GABBR2: variants seen among roughly 807,000 people sequenced by gnomAD.
GABBR2 encodes the protein gamma-aminobutyric acid type B receptor subunit 2, also known as G-protein coupled receptor 51.
In GABBR2, 23 loss-of-function variants were observed where a neutral mutation model predicts 105.6. The ratio of observed to expected loss-of-function variants is 0.22; its 90% CI spans 0.16 to 0.31. The LOEUF is 0.31. Among genes scored for constraint, GABBR2 ranks in the 10% least tolerant of loss-of-function variants. The pLI, the probability that GABBR2 is intolerant of heterozygous loss-of-function variation, is 1.00. For missense variants in GABBR2, 734 were observed against 1,245.5 expected (o/e 0.59, Z 6.18); for synonymous variants, 478 against 499.7 (o/e 0.96, Z 0.58).
chr9:98,433,025 C>G (rs1014609546), intron 7 of GABBR2, among the ~76,000 whole-genome samples: 1 of 152,300 alleles, frequency 6.6e-6, no homozygotes, highest in Admixed American at 6.5e-5. Flanking sequence ...TCAGGATACT[C>G]TGTTCACAGG....
At chr9:98,347,814 T>C (rs973298317) in intron 13 of GABBR2, among the ~76,000 whole-genome samples, 2 of 152,184 alleles carry the variant, frequency 1.3e-5, no homozygotes, top group African/African-American at 4.8e-5. Context: ...CACCTTTAAT[T>C]GTAATAATCC....
chr9:98,576,953 T>TGG (rs1828919375), intron 2 of GABBR2, among the ~76,000 whole-genome samples: 1 of 86,658 alleles, frequency 1.2e-5, no homozygotes, highest in East Asian at 4.6e-4. Context: ...GATGGATGGA[T>TGG]AGGTGAATGG....
At chr9:98,457,767 G>A (rs867544051) in intron 6 of GABBR2, among the ~76,000 whole-genome samples, 1 of 152,174 alleles carries the variant, frequency 6.6e-6, no homozygotes, top group African/African-American at 2.4e-5. Context: ...ATTGTTCCCA[G>A]GCGATGCCAG....
At chr9:98,510,809 C>T (rs1481372525) in intron 3 of GABBR2, among the ~76,000 whole-genome samples, 5 of 152,138 alleles carry the variant, frequency 3.3e-5, no homozygotes, top group Non-Finnish European at 7.3e-5. Flanking sequence ...TAGACTCCCA[C>T]ACAATAATAA....
At chr9:98,705,054 C>G (rs1454705153) in intron 1 of GABBR2, among the ~76,000 whole-genome samples, 1 of 152,078 alleles carries the variant, frequency 6.6e-6, no homozygotes, top group Non-Finnish European at 1.5e-5. Flanking sequence ...AAGCTCAGAG[C>G]TAAAATATAA....
chr9:98,383,039 C>T (rs1479517021), intron 11 of GABBR2, among the ~76,000 whole-genome samples: 1 of 152,152 alleles, frequency 6.6e-6, no homozygotes, highest in Non-Finnish European at 1.5e-5. Context: ...CTCCCAGGTT[C>T]AAGCGATTCT....
chr9:98,330,965 G>A (rs181681090), intron 13 of GABBR2, among the ~76,000 whole-genome samples: 34 of 152,142 alleles, frequency 2.2e-4, no homozygotes, highest in Non-Finnish European at 2.8e-4. Flanking sequence ...TGGATTTGCC[G>A]GTTTGGGACA....
At chr9:98,648,116 T>TGTGTGTGTGTGTATAGATAG in intron 1 of GABBR2, among the ~76,000 whole-genome samples, 921 of 55,866 alleles carry the variant, frequency 0.016, 16 homozygotes, top group Middle Eastern at 0.034. Context: ...TGTGTGTGTG[T>TGTGTGTGTGTGTATAGATAG]ATAGATAGAT....
At chr9:98,601,015 A>G (rs776355394) in intron 1 of GABBR2, among the ~76,000 whole-genome samples, 13 of 152,188 alleles carry the variant, frequency 8.5e-5, no homozygotes, top group Non-Finnish European at 1.3e-4. Context: ...CTCAGCTCAC[A>G]TGTCACTTTC....
chr9:98,674,255 C>G (rs1231224051), intron 1 of GABBR2, among the ~76,000 whole-genome samples: 2 of 152,178 alleles, frequency 1.3e-5, no homozygotes, highest in African/African-American at 2.4e-5. Context: ...CTTGTTCTTA[C>G]AAGTGACTTC....
chr9:98,439,636 A>C (rs1290179053), intron 7 of GABBR2, among the ~76,000 whole-genome samples: 1 of 152,190 alleles, frequency 6.6e-6, no homozygotes, highest in Non-Finnish European at 1.5e-5. Context: ...GCATGCATGC[A>C]TGTGAGTGTG....
intron 7 of GABBR2, among the ~76,000 whole-genome samples, chr9:98,422,726 G>A (rs865999541): frequency 6.6e-6 from 1 of 151,384 alleles, no homozygotes; most frequent in Non-Finnish European, 1.5e-5. Flanking sequence ...TCGTCATTTA[G>A]CATTAGGTAT....
chr9:98,568,596 G>A (rs1193487362), intron 2 of GABBR2, among the ~76,000 whole-genome samples: 2 of 152,064 alleles, frequency 1.3e-5, no homozygotes, highest in African/African-American at 4.8e-5. Context: ...AGGTGGGAGG[G>A]GCAGTCACCA....
chr9:98,368,095 T>A (rs1831713452), intron 12 of GABBR2, among the ~76,000 whole-genome samples: 1 of 151,984 alleles, frequency 6.6e-6, no homozygotes, highest in South Asian at 2.1e-4. Context: ...ATCCTTGATG[T>A]CATTTCCCCC....
At chr9:98,608,173 T>A in intron 1 of GABBR2, 1 of 1,123,440 alleles carries the variant, frequency 8.9e-7, no homozygotes, top group Non-Finnish European at 1.3e-6. Flanking sequence ...GTTGCCAATA[T>A]GCCAGCTTGG....
In GABBR2 at chr9:98,303,438, G is replaced by A. The variant is rs779722077; in HGVS notation, c.2230-15C>T. ...AGGGTGATGAGCTGAAAGGACAAAG[G>A]TTGGGGCGGGGTTGAAGAGAGAGCC... On this transcript the variant is annotated splice_polypyrimidine_tract_variant and intron_variant, in intron 15 of 18. Coordinates refer to ENST00000259455, the MANE Select transcript of GABBR2 (RefSeq NM_005458.8). 8.1e-6 allele frequency: 13 copies of A among 1,612,194 alleles called. No individual in the cohort carries two copies. Among genetic ancestry groups the A allele is most frequent in the Non-Finnish European group, 1.1e-5 (13 of 1,178,860 alleles).
intron 3 of GABBR2, among the ~76,000 whole-genome samples, chr9:98,522,472 C>T (rs1242141370): frequency 1.3e-5 from 2 of 152,028 alleles, no homozygotes; most frequent in Non-Finnish European, 2.9e-5. Context: ...ATCCTACAAG[C>T]AACTGGTACA....
At chr9:98,669,820 G>T (rs2131860147) in intron 1 of GABBR2, among the ~76,000 whole-genome samples, 1 of 152,176 alleles carries the variant, frequency 6.6e-6, no homozygotes, top group Admixed American at 6.5e-5. Context: ...CAGTCAATGG[G>T]GCATGTACAT....
chr9:98,331,337 C>T (rs1318713751), intron 13 of GABBR2, among the ~76,000 whole-genome samples: 2 of 141,760 alleles, frequency 1.4e-5, no homozygotes, highest in East Asian at 4.0e-4. Context: ...TGCACAGCTT[C>T]TGTTTTCTTT....
Sources: gnomAD v4.1 joint callset for allele counts (sites outside exome capture counted in the v4.1 genomes callset) on GRCh38, gnomAD v4.1.1 for gene constraint, MANE v1.5 for transcripts, NCBI Gene and HGNC (gene_info 2026-07-23, HGNC 2026-07-21) for gene names.